AATF: variants seen among roughly 807,000 people sequenced by gnomAD.
The protein encoded by AATF is apoptosis antagonizing transcription factor, also known as protein AATF.
AATF carries 48 observed loss-of-function variants against 63.7 expected under a neutral mutation model. The observed-to-expected ratio is 0.75, with a 90% confidence interval of 0.60 to 0.96. AATF has a LOEUF of 0.96. AATF is among the 40% of genes least tolerant of loss of function. The probability of loss-of-function intolerance (pLI) is 0.00; values close to 1 mark genes in which losing one functional copy is unlikely to be tolerated. For synonymous variants in AATF, 258 were observed against 247.7 expected (o/e 1.04, Z -0.39); for missense variants, 639 against 685.7 (o/e 0.93, Z 0.76).
intron 8 of AATF, among the ~76,000 whole-genome samples, chr17:37,013,925 C>G (rs1188063733): frequency 1.3e-5 from 2 of 152,098 alleles, no homozygotes; most frequent in Admixed American, 6.5e-5. Flanking sequence ...TCTACTTTTT[C>G]CCCTTGGAGA....
intron 4 of AATF, among the ~76,000 whole-genome samples, chr17:36,978,632 G>A (rs2071097135): frequency 1.3e-5 from 2 of 151,788 alleles, no homozygotes; most frequent in Non-Finnish European, 2.9e-5. Context: ...CCTCATAATA[G>A]CACACACATT....
chr17:37,038,047 C>T (rs1226810384), intron 11 of AATF, among the ~76,000 whole-genome samples: 1 of 152,176 alleles, frequency 6.6e-6, no homozygotes, highest in Non-Finnish European at 1.5e-5. Context: ...GTACAGCCTG[C>T]AGAACCGTGA....
chr17:37,002,201 C>CA (rs34123922), intron 8 of AATF, among the ~76,000 whole-genome samples: 1,637 of 76,106 alleles, frequency 0.022, 38 homozygotes, highest in African/African-American at 0.041. Context: ...GACTCCGTCT[C>CA]AAAAAAAAAA....
intron 4 of AATF, among the ~76,000 whole-genome samples, chr17:36,983,614 G>C (rs763784399): frequency 3.3e-5 from 5 of 151,358 alleles, no homozygotes; most frequent in Non-Finnish European, 5.9e-5. Context: ...TCCTCCCAAA[G>C]TGCTGGGATT....
At chr17:36,956,763 G>A (rs901542293) in intron 4 of AATF, among the ~76,000 whole-genome samples, 2 of 152,066 alleles carry the variant, frequency 1.3e-5, no homozygotes, top group African/African-American at 4.8e-5. Flanking sequence ...GATCACTTTA[G>A]GTCAAGAGTT....
chr17:37,025,040 G>A (rs1441848460), intron 10 of AATF, among the ~76,000 whole-genome samples: 6 of 152,156 alleles, frequency 3.9e-5, no homozygotes, highest in South Asian at 2.1e-4. Context: ...AATAGGAGAT[G>A]ACGGATTGAG....
rs981373391 is a variant in AATF, at chr17:36,953,786, C to T, written c.711C>T (p.Leu237=). ...VKNQIALWDQ[L]LEGRIKLQKA... is the part of the protein sequence containing the mutation. ...TCTTTTCAGCACTGTGGGACCAGCT[C>T]TTGGAAGGAAGGATCAAACTACAAA... is the stretch of plus-strand genomic sequence containing the variant. The change falls in exon 4 of 12, where the codon CTC becomes CTT. Residue 237 remains leucine (L), a synonymous_variant. Transcript: ENST00000619387. 3 of 1,613,894 alleles carry T rather than the reference C, an allele frequency of 1.9e-6. No individual in the cohort carries two copies. In the African/African-American group the frequency reaches 4.0e-5, roughly 22 times the overall value.
intron 8 of AATF, among the ~76,000 whole-genome samples, chr17:37,013,739 A>G (rs1597725930): frequency 6.6e-6 from 1 of 152,218 alleles, no homozygotes; most frequent in East Asian, 1.9e-4. Flanking sequence ...CATCCCAACT[A>G]TAGGAACAAG....
intron 11 of AATF, among the ~76,000 whole-genome samples, chr17:37,032,962 G>A (rs748303962): frequency 1.3e-5 from 2 of 152,120 alleles, no homozygotes; most frequent in African/African-American, 2.4e-5. Flanking sequence ...GGCACAGGTG[G>A]TTTTTGCCAG....
intron 4 of AATF, among the ~76,000 whole-genome samples, chr17:36,959,058 T>C (rs772341171): frequency 9.2e-5 from 14 of 151,756 alleles, no homozygotes; most frequent in African/African-American, 2.9e-4. Context: ...AACAGGAAAA[T>C]CTCTTAAACT....
chr17:37,009,839 A>C (rs955000567), intron 8 of AATF, among the ~76,000 whole-genome samples: 1 of 149,196 alleles, frequency 6.7e-6, no homozygotes, highest in Non-Finnish European at 1.5e-5. Flanking sequence ...AAAAAAAAAA[A>C]AAAAAAAAAA....
intron 5 of AATF, among the ~76,000 whole-genome samples, chr17:36,987,029 C>A (rs1349905753): frequency 6.6e-6 from 1 of 152,172 alleles, no homozygotes; most frequent in Non-Finnish European, 1.5e-5. Flanking sequence ...ACACTGTCAT[C>A]CAGGCTGGAG....
chr17:37,000,806 A>G (rs1339643801), intron 8 of AATF, among the ~76,000 whole-genome samples: 1 of 152,182 alleles, frequency 6.6e-6, no homozygotes, highest in Non-Finnish European at 1.5e-5. Flanking sequence ...GTAAGAGAGA[A>G]TAAAGGAAGA....
chr17:36,962,007 A>G (rs767755130), intron 4 of AATF, among the ~76,000 whole-genome samples: 7 of 152,102 alleles, frequency 4.6e-5, no homozygotes, highest in Admixed American at 6.6e-5. Context: ...GGCTTTTGGA[A>G]TATATTGCCT....
At position 37,008,009 on chromosome 17, in the gene AATF, A is replaced by G. The variant is rs1271327845; in HGVS notation, c.1399-10996A>G. Among the ~76,000 whole-genome samples the G allele has an allele frequency of 3.9e-5, 6 of 152,300 alleles. No homozygotes were observed. In the East Asian group the frequency reaches 1.2e-3, roughly 29 times the overall value. On this transcript the variant is annotated intron_variant, in intron 8 of 11. Coordinates refer to ENST00000619387, the MANE Select transcript of AATF (RefSeq NM_012138.4). The stretch of plus-strand genomic sequence containing the variant: ...GACTTACCATTTTTGCGGGTTTTCT[A>G]TACTTGTTACATTTTTATCCTTTCA...
intron 8 of AATF, chr17:37,000,105 A>G (rs1436022623): frequency 6.6e-6 from 1 of 152,528 alleles, no homozygotes; most frequent in Non-Finnish European, 1.5e-5. Flanking sequence ...AAGAGTAGAC[A>G]TGAGAGAATG....
intron 8 of AATF, among the ~76,000 whole-genome samples, chr17:37,009,492 G>C (rs920643057): frequency 6.6e-6 from 1 of 151,706 alleles, no homozygotes; most frequent in African/African-American, 2.4e-5. Flanking sequence ...TCTTGGAATG[G>C]GGAGGGGAAA....
At chr17:37,036,746 T>C (rs2071595500) in intron 11 of AATF, among the ~76,000 whole-genome samples, 1 of 152,212 alleles carries the variant, frequency 6.6e-6, no homozygotes, top group African/African-American at 2.4e-5. Flanking sequence ...GGAAATCTTA[T>C]GCAACCCCTG....
At position 36,953,894 on chromosome 17, in the gene AATF, T is replaced by C. The variant is rs2070877793; in HGVS notation, c.819T>C (p.Ser273=). Residue 273 remains serine (S), a synonymous_variant, in exon 4 of 12, where the codon AGT becomes AGC. Coordinates refer to ENST00000619387, the MANE Select transcript of AATF (RefSeq NM_012138.4). ...ACAAAGGTGGCCCAGAATTTTCCAG[T>C]GCCCTGAAAAATAGTAAGAATACTT... The part of the protein sequence containing the change: ...FKDKGGPEFS[S]ALKNSHKALK... The C allele has an allele frequency of 1.2e-6, 2 of 1,613,470 alleles. No homozygotes were observed. The highest frequency in any genetic ancestry group is 2.2e-5 in the East Asian group (1 of 44,876).
Sources: gnomAD v4.1 joint callset for allele counts (sites outside exome capture counted in the v4.1 genomes callset) on GRCh38, gnomAD v4.1.1 for gene constraint, MANE v1.5 for transcripts, NCBI Gene and HGNC (gene_info 2026-07-23, HGNC 2026-07-21) for gene names.